The following DRC2 variants were observed in gnomAD, a reference collection of about 807,000 sequenced individuals.
DRC2 encodes the protein dynein regulatory complex subunit 2, also known as coiled-coil domain containing 65.
At chr12:48,913,097 T>C in the DRC2 span, among the ~76,000 whole-genome samples, 2 of 124,872 alleles carry the variant, frequency 1.6e-5, no homozygotes, top group Admixed American at 1.9e-4. Flanking sequence ...ATCGCGCCAC[T>C]GCACTCCAGC....
the DRC2 span, among the ~76,000 whole-genome samples, chr12:48,920,712 G>A: frequency 1.3e-5 from 2 of 151,190 alleles, no homozygotes; most frequent in African/African-American, 4.9e-5. Context: ...GTAGAGATGG[G>A]GTCTTTCTAT....
chr12:48,910,589 A>G, the DRC2 span, among the ~76,000 whole-genome samples: 2 of 152,210 alleles, frequency 1.3e-5, no homozygotes, highest in South Asian at 2.1e-4. Context: ...TCAAAATTCA[A>G]AAGAAAAAAA....
At chr12:48,919,040 C>T in the DRC2 span, 9 of 610,294 alleles carry the variant, frequency 1.5e-5, no homozygotes, top group Non-Finnish European at 2.6e-5. Flanking sequence ...TTTTTTATTC[C>T]ATGTTTCCTC....
the DRC2 span, chr12:48,921,338 G>A: frequency 1.2e-6 from 2 of 1,614,060 alleles, no homozygotes; most frequent in South Asian, 1.1e-5. Flanking sequence ...ACGAAGTGCT[G>A]AGCCAGCTCA....
the DRC2 span, among the ~76,000 whole-genome samples, chr12:48,908,599 TTATTA>T: frequency 2.1e-4 from 23 of 107,822 alleles, no homozygotes; most frequent in African/African-American, 4.3e-4. Flanking sequence ...ATTATTATTA[TTATTA>T]TTATTTATTT....
At chr12:48,916,008 C>G in the DRC2 span, among the ~76,000 whole-genome samples, 1 of 148,860 alleles carries the variant, frequency 6.7e-6, no homozygotes, top group East Asian at 2.0e-4. Flanking sequence ...GATGGGCGGC[C>G]GGGCAGAGAC....
chr12:48,909,273 C>T, the DRC2 span, among the ~76,000 whole-genome samples: 1 of 151,980 alleles, frequency 6.6e-6, no homozygotes, highest in East Asian at 1.9e-4. Context: ...GAACTCCCCA[C>T]TTCAGGTGAT....
the DRC2 span, chr12:48,904,252 T>C: frequency 4.3e-4 from 653 of 1,516,048 alleles, no homozygotes; most frequent in Non-Finnish European, 3.8e-4. Context: ...GGAAGTCCCC[T>C]TTCTAGGGAC....
the DRC2 span, among the ~76,000 whole-genome samples, chr12:48,920,441 T>TTAAAAAAAAAA: frequency 3.3e-3 from 223 of 67,788 alleles, 9 homozygotes; most frequent in Non-Finnish European, 4.7e-3. Context: ...AACTCCATCT[T>TTAAAAAAAAAA]AAAAAAAAAA....
the DRC2 span, among the ~76,000 whole-genome samples, chr12:48,915,734 G>C: frequency 6.6e-6 from 1 of 151,054 alleles, no homozygotes; most frequent in East Asian, 2.0e-4. Flanking sequence ...GCCGGGCAGA[G>C]GCACCCCTCA....
chr12:48,914,691 C>T, the DRC2 span: 4 of 934,476 alleles, frequency 4.3e-6, no homozygotes, highest in South Asian at 3.6e-5. Context: ...TTGATTATCA[C>T]GGGACCCCCA....
At chr12:48,910,495 G>A in the DRC2 span, among the ~76,000 whole-genome samples, 1 of 152,128 alleles carries the variant, frequency 6.6e-6, no homozygotes, top group African/African-American at 2.4e-5. Flanking sequence ...TGGACTCAAG[G>A]TGCCTGGATC....
chr12:48,915,757 G>A, the DRC2 span, among the ~76,000 whole-genome samples: 2 of 151,192 alleles, frequency 1.3e-5, no homozygotes, highest in Non-Finnish European at 3.0e-5. Flanking sequence ...TCCCGGATGG[G>A]GCGGCTGGCC....
the DRC2 span, among the ~76,000 whole-genome samples, chr12:48,912,863 G>T: frequency 1.3e-5 from 2 of 151,942 alleles, no homozygotes; most frequent in Middle Eastern, 3.2e-3. Context: ...TTCTGCCAGG[G>T]GCGGTGGCTC....
At chr12:48,921,248 T>A in the DRC2 span, 2 of 1,614,148 alleles carry the variant, frequency 1.2e-6, no homozygotes, top group Non-Finnish European at 1.7e-6. Context: ...GCCTCCAACA[T>A]AGACGAGCCC....
chr12:48,916,392 G>A, the DRC2 span, among the ~76,000 whole-genome samples: 10 of 152,172 alleles, frequency 6.6e-5, no homozygotes, highest in Admixed American at 5.2e-4. Context: ...GCGGTTAGGA[G>A]CTGGAGACCA....
chr12:48,918,505 T>C, the DRC2 span: 3 of 1,601,302 alleles, frequency 1.9e-6, no homozygotes, highest in Non-Finnish European at 2.6e-6. Context: ...ACTCACTGCT[T>C]TAACTGCTCT....
At chr12:48,920,257 C>G in the DRC2 span, among the ~76,000 whole-genome samples, 23 of 149,314 alleles carry the variant, frequency 1.5e-4, no homozygotes, top group African/African-American at 5.4e-4. Flanking sequence ...GCCTGACCAA[C>G]ATGGAGAAAC....
At chr12:48,908,596 TTATTATTA>T in the DRC2 span, among the ~76,000 whole-genome samples, 14 of 121,874 alleles carry the variant, frequency 1.1e-4, no homozygotes, top group Admixed American at 8.0e-4. Context: ...ATTATTATTA[TTATTATTA>T]TTATTTATTT....
Sources: gnomAD v4.1 joint callset for allele counts (sites outside exome capture counted in the v4.1 genomes callset) on GRCh38, gnomAD v4.1.1 for gene constraint, MANE v1.5 for transcripts, NCBI Gene and HGNC (gene_info 2026-07-23, HGNC 2026-07-21) for gene names.